Variants in MRS2 observed in about 807,000 individuals in gnomAD.
MRS2 encodes the protein magnesium transporter MRS2 homolog, mitochondrial.
A neutral mutation model predicts 52.6 loss-of-function variants in MRS2; 40 were observed. That is an observed-to-expected ratio of 0.76 (90% CI 0.59 to 0.99). The LOEUF (loss-of-function observed/expected upper bound fraction) is 0.99. Ranked by LOEUF, MRS2 falls within the 50% of genes least tolerant of loss-of-function variation. The probability of loss-of-function intolerance (pLI) is 0.00; values close to 1 mark genes in which losing one functional copy is unlikely to be tolerated. For missense variants in MRS2, 472 were observed against 532.7 expected (o/e 0.89, Z 1.12); for synonymous variants, 193 against 195.9 (o/e 0.98, Z 0.13).
At chr6:24,416,672 T>C (rs1388602370) in intron 7 of MRS2, among the ~76,000 whole-genome samples, 159 bp downstream of exon 7, 1 of 152,226 alleles carries the variant, frequency 6.6e-6, no homozygotes, top group Non-Finnish European at 1.5e-5. Context: ...TGCAGTATCG[T>C]ATCTAATTCA....
chr6:24,403,319 C>T, intron 1 of MRS2, 83 bp downstream of exon 1: 1 of 1,352,160 alleles, frequency 7.4e-7, no homozygotes, highest in Non-Finnish European at 9.7e-7. Flanking sequence ...CGGCGCGGCG[C>T]GCCTGTTGCT....
intron 1 of MRS2, among the ~76,000 whole-genome samples, chr6:24,404,101 T>A (rs2127279374): frequency 6.6e-6 from 1 of 152,368 alleles, no homozygotes; most frequent in Non-Finnish European, 1.5e-5. Context: ...AAATATGTTT[T>A]CTCAATTGTG....
chr6:24,414,791 C>A (rs901816184), intron 5 of MRS2, among the ~76,000 whole-genome samples: 1 of 152,154 alleles, frequency 6.6e-6, no homozygotes, highest in African/African-American at 2.4e-5. Flanking sequence ...AAGACTCTTA[C>A]GAGAGTTAGC....
chr6:24,405,594 C>A (rs1025669065), intron 2 of MRS2, among the ~76,000 whole-genome samples: 1 of 150,954 alleles, frequency 6.6e-6, no homozygotes, highest in African/African-American at 2.4e-5. Flanking sequence ...AGGTCATGAT[C>A]TCTAACTTTT....
intron 8 of MRS2, 79 bp from the exon 9 acceptor site, chr6:24,418,382 G>A (rs1761927734): frequency 6.4e-7 from 1 of 1,562,688 alleles, no homozygotes; most frequent in East Asian, 2.2e-5. Flanking sequence ...TTTCATCCAT[G>A]TGGTCTGTAT....
At position 24,405,242 on chromosome 6, in the gene MRS2, G is replaced by A; in HGVS notation, c.264+1G>A. 1.2e-6 allele frequency: 2 copies of A among 1,609,390 alleles called. No homozygotes were observed. Among genetic ancestry groups the A allele is most frequent in the Non-Finnish European group, 1.7e-6 (2 of 1,175,764 alleles). ...CAGTGTAGCCCCAGTATTTACTGTG[G>A]TGAGTATGTACAGTACATTGGAAAT... On this transcript the variant is annotated splice_donor_variant, in intron 2 of 10. Transcript: ENST00000378386. LOFTEE classifies it high-confidence loss of function.
At chr6:24,416,334 C>A (rs74293227) in intron 6 of MRS2, 63 bp from the exon 7 acceptor site, 102,440 of 690,898 alleles carry the variant, frequency 0.15, 8,709 homozygotes, top group Middle Eastern at 0.16. Context: ...TCTAAAAACA[C>A]TATTATGAAA....
chr6:24,419,286 GAAATA>G (rs141430863), intron 9 of MRS2: 18,561 of 152,038 alleles, frequency 0.12, 1,430 homozygotes, highest in East Asian at 0.16. Flanking sequence ...CTACCATGGT[GAAATA>G]AAATATATAA....
At chr6:24,423,349 G>A (rs1762118112) in intron 10 of MRS2, 1 of 484,682 alleles carries the variant, frequency 2.1e-6, no homozygotes, top group East Asian at 3.3e-5. Flanking sequence ...AGTAATTCTG[G>A]TATAAGGTTT....
chr6:24,410,307 C>A (rs926136582), intron 4 of MRS2, among the ~76,000 whole-genome samples: 2 of 152,098 alleles, frequency 1.3e-5, no homozygotes, highest in Non-Finnish European at 2.9e-5. Flanking sequence ...GGAAAACTTT[C>A]TGAAATATAT....
At chr6:24,420,737 T>G (rs984855936) in intron 9 of MRS2, among the ~76,000 whole-genome samples, 1 of 152,044 alleles carries the variant, frequency 6.6e-6, no homozygotes, top group Non-Finnish European at 1.5e-5. Context: ...GGCAGGAAGA[T>G]CTGGGGGAGA....
rs923590459 is a variant in MRS2, at chr6:24,402,961, C to T, written c.-86C>T. The stretch of plus-strand genomic sequence containing the variant: ...ACAGAGTCTGCAGGTCGGGCGGTAG[C>T]GACAGGTCAGAGCTGCGGCCTGAGC... On this transcript the variant is annotated 5_prime_UTR_variant, in exon 1 of 11. Transcript: ENST00000378386. 14 of 1,302,308 alleles carry T rather than the reference C, an allele frequency of 1.1e-5. No homozygotes were observed. In the Middle Eastern group the frequency reaches 5.8e-4, roughly 54 times the overall value. The allele number at this position is 1,302,308 out of a possible 1,614,324, so 80.7% of individuals were successfully genotyped here.
At chr6:24,411,865 TTTTG>T (rs1161870496) in intron 4 of MRS2, among the ~76,000 whole-genome samples, 3 of 151,192 alleles carry the variant, frequency 2.0e-5, no homozygotes, top group Non-Finnish European at 4.4e-5. Flanking sequence ...GTGTTTTTTT[TTTTG>T]TTTTTGTTTT....
At chr6:24,416,102 T>C (rs1431605789) in intron 6 of MRS2, among the ~76,000 whole-genome samples, 1 of 152,130 alleles carries the variant, frequency 6.6e-6, no homozygotes. Flanking sequence ...TTCTAAATTT[T>C]TTTGTAGAGA....
chr6:24,408,480 T>G, intron 3 of MRS2, 36 bp downstream of exon 3: 1 of 1,373,382 alleles, frequency 7.3e-7, no homozygotes, highest in African/African-American at 1.4e-5. Flanking sequence ...TTTTTAAACA[T>G]TTAATGAGTG....
intron 4 of MRS2, chr6:24,410,838 T>G: frequency 1.8e-6 from 2 of 1,083,636 alleles, no homozygotes; most frequent in Non-Finnish European, 2.7e-6. Context: ...GATAATTGTG[T>G]AATCTAACTG....
At chr6:24,415,186 A>T (rs762535403) in intron 6 of MRS2, 23 bp downstream of exon 6, 1 of 1,512,414 alleles carries the variant, frequency 6.6e-7, no homozygotes, top group Admixed American at 1.9e-5. Flanking sequence ...GATGTATCAC[A>T]TTGGGAGTTG....
chr6:24,414,718 G>A (rs988775276), intron 5 of MRS2, among the ~76,000 whole-genome samples: 1 of 152,142 alleles, frequency 6.6e-6, no homozygotes, highest in African/African-American at 2.4e-5. Context: ...CTTCCCAGAC[G>A]GGGCGGCCGG....
At chr6:24,420,752 T>C (rs1278632645) in intron 9 of MRS2, among the ~76,000 whole-genome samples, 1 of 151,990 alleles carries the variant, frequency 6.6e-6, no homozygotes, top group Non-Finnish European at 1.5e-5. Context: ...GGGAGAGTGT[T>C]CTAAGTAGAG....
Sources: gnomAD v4.1 joint callset for allele counts (sites outside exome capture counted in the v4.1 genomes callset) on GRCh38, gnomAD v4.1.1 for gene constraint, MANE v1.5 for transcripts, NCBI Gene and HGNC (gene_info 2026-07-23, HGNC 2026-07-21) for gene names.